Variants in PRLR observed in about 807,000 individuals in gnomAD.
The protein encoded by PRLR is prolactin receptor, also known as hPRL receptor.
A neutral mutation model predicts 40.2 loss-of-function variants in PRLR; 13 were observed. The ratio of observed to expected loss-of-function variants is 0.32; its 90% CI spans 0.21 to 0.51. The LOEUF (loss-of-function observed/expected upper bound fraction) is 0.51. PRLR is among the 20% of genes least tolerant of loss of function. The pLI, the probability that PRLR is intolerant of heterozygous loss-of-function variation, is 0.97. For synonymous variants in PRLR, 269 were observed against 278.7 expected (o/e 0.97, Z 0.35); for missense variants, 656 against 747.3 (o/e 0.88, Z 1.42).
chr5:35,123,525 T>C (rs1773360174), intron 1 of PRLR, among the ~76,000 whole-genome samples: 1 of 152,196 alleles, frequency 6.6e-6, no homozygotes, highest in Admixed American at 6.5e-5. Context: ...CTAATACATG[T>C]TGGGTGCTAT....
intron 1 of PRLR, among the ~76,000 whole-genome samples, chr5:35,172,952 G>A (rs553325095): frequency 3.3e-5 from 5 of 152,274 alleles, no homozygotes; most frequent in South Asian, 2.1e-4. Context: ...TAAGAAGATG[G>A]TTTCTGATAC....
chr5:35,141,405 T>C (rs1774022714), intron 1 of PRLR, among the ~76,000 whole-genome samples: 1 of 152,096 alleles, frequency 6.6e-6, no homozygotes, highest in South Asian at 2.1e-4. Flanking sequence ...GGAAGGGGTT[T>C]AAAAGGTAGA....
At chr5:35,101,726 CAT>C (rs1175974721) in intron 2 of PRLR, among the ~76,000 whole-genome samples, 1 of 148,046 alleles carries the variant, frequency 6.8e-6, no homozygotes, top group East Asian at 1.9e-4. Context: ...AAATATAAAA[CAT>C]ATATAAAACA....
chr5:35,205,165 A>T (rs1449350115), intron 1 of PRLR, among the ~76,000 whole-genome samples: 1 of 151,968 alleles, frequency 6.6e-6, no homozygotes, highest in Non-Finnish European at 1.5e-5. Context: ...TATATATAAA[A>T]TATAAGATAA....
At chr5:35,091,589 G>GTGCAATTA (rs573953288) in intron 2 of PRLR, among the ~76,000 whole-genome samples, 365 of 152,276 alleles carry the variant, frequency 2.4e-3, no homozygotes, top group African/African-American at 8.5e-3. Context: ...TGTGATGGGG[G>GTGCAATTA]TGCAATTATT....
At chr5:35,085,767 T>C (rs1324850218) in intron 4 of PRLR, among the ~76,000 whole-genome samples, 1 of 152,170 alleles carries the variant, frequency 6.6e-6, no homozygotes, top group Admixed American at 6.5e-5. Flanking sequence ...TAAGATTAAC[T>C]AGCAATTAAG....
At chr5:35,136,225 A>G (rs970420595) in intron 1 of PRLR, among the ~76,000 whole-genome samples, 1 of 152,234 alleles carries the variant, frequency 6.6e-6, no homozygotes, top group African/African-American at 2.4e-5. Flanking sequence ...AGGCCCATGT[A>G]TGAACCCATA....
chr5:35,151,727 C>T (rs1451317660), intron 1 of PRLR, among the ~76,000 whole-genome samples: 1 of 152,210 alleles, frequency 6.6e-6, no homozygotes, highest in Admixed American at 6.5e-5. Flanking sequence ...CCCAACTAAT[C>T]TGAGTCATCC....
chr5:35,118,032 C>T (rs1380728565), intron 2 of PRLR, 29 bp downstream of exon 2: 9 of 974,648 alleles, frequency 9.2e-6, no homozygotes, highest in South Asian at 9.5e-5. Context: ...GTGGTGTGAC[C>T]GAGGGGCATG....
At chr5:35,194,969 G>T (rs926600897) in intron 1 of PRLR, 2 of 152,180 alleles carry the variant, frequency 1.3e-5, no homozygotes, top group African/African-American at 4.8e-5. Flanking sequence ...ACGAACATAA[G>T]ATGTTATTAA....
At chr5:35,087,905 G>C (rs1770959389) in intron 3 of PRLR, among the ~76,000 whole-genome samples, 1 of 152,112 alleles carries the variant, frequency 6.6e-6, no homozygotes, top group Non-Finnish European at 1.5e-5. Context: ...CCCTAGCATT[G>C]AGTTTAGGAT....
At chr5:35,178,841 G>GTCCTGGAAATTC (rs1775216158) in intron 1 of PRLR, among the ~76,000 whole-genome samples, 1 of 152,076 alleles carries the variant, frequency 6.6e-6, no homozygotes, top group South Asian at 2.1e-4. Flanking sequence ...ATATAATCCA[G>GTCCTGGAAATTC]TCCTGGAAAT....
intron 1 of PRLR, among the ~76,000 whole-genome samples, chr5:35,222,017 G>A (rs2111676965): frequency 1.3e-5 from 2 of 152,224 alleles, no homozygotes; most frequent in Admixed American, 1.3e-4. Context: ...TTAAAATGTA[G>A]CTGTTGGCCG....
At chr5:35,183,019 A>T (rs1341122696) in intron 1 of PRLR, among the ~76,000 whole-genome samples, 1 of 152,206 alleles carries the variant, frequency 6.6e-6, no homozygotes, top group African/African-American at 2.4e-5. Flanking sequence ...GTTAGCAACA[A>T]CCTGAGACGT....
chr5:35,215,831 C>T (rs1023702561), intron 1 of PRLR, among the ~76,000 whole-genome samples: 6 of 145,258 alleles, frequency 4.1e-5, no homozygotes, highest in African/African-American at 1.6e-4. Flanking sequence ...GAGTTCGAGA[C>T]CAGCTTGGTC....
chr5:35,132,555 T>A (rs1773722250), intron 1 of PRLR, among the ~76,000 whole-genome samples: 1 of 152,256 alleles, frequency 6.6e-6, no homozygotes, highest in African/African-American at 2.4e-5. Context: ...AATATGGATA[T>A]GTTTATATTT....
chr5:35,140,482 C>A (rs1356678212), intron 1 of PRLR, among the ~76,000 whole-genome samples: 2 of 152,162 alleles, frequency 1.3e-5, no homozygotes, highest in East Asian at 3.9e-4. Flanking sequence ...ATAATTTGAA[C>A]ACTTCTTGGT....
At chr5:35,072,859 C>T (rs1256844100) in intron 5 of PRLR, 115 bp from the exon 6 acceptor site, 14 of 1,215,450 alleles carry the variant, frequency 1.2e-5, no homozygotes, top group East Asian at 2.5e-5. Flanking sequence ...TCCCACTGTA[C>T]TATAAGCCCC....
Position 35,057,323 on chromosome 5 carries a change from A to G in PRLR, c.*7766T>C, listed in dbSNP as rs1011974420. On this transcript the variant is annotated 3_prime_UTR_variant, in exon 10 of 10. Transcript: ENST00000618457. ...TCCTGATTATAGATCTTTTGGTAAC[A>G]AGAAATGTCCAAAAAATTGCTTCAG... The G allele has an allele frequency of 1.3e-5, 2 of 152,168 alleles. No individual in the cohort carries two copies. Among genetic ancestry groups the G allele is most frequent in the East Asian group, 1.9e-4 (1 of 5,200 alleles). The allele number at this position is 152,168 out of a possible 1,614,324, so 9.4% of individuals were successfully genotyped here.
Sources: allele counts gnomAD v4.1 joint callset (sites outside exome capture counted in the v4.1 genomes callset), GRCh38; gene constraint gnomAD v4.1.1; transcripts MANE v1.5; gene names NCBI Gene and HGNC (gene_info 2026-07-23, HGNC 2026-07-21).